Variants in KIAA2012 observed in about 807,000 individuals in gnomAD.
KIAA2012 encodes KIAA2012, also known as uncharacterized protein KIAA2012.
KIAA2012 carries 125 observed loss-of-function variants against 150.6 expected under a neutral mutation model. The observed-to-expected ratio is 0.83, with a 90% CI of 0.72 to 0.96. The LOEUF (loss-of-function observed/expected upper bound fraction) is 0.96. Ranked by LOEUF, KIAA2012 falls within the 40% of genes least tolerant of loss-of-function variation. KIAA2012 has a pLI of 0.00. For synonymous variants in KIAA2012, 462 were observed against 504.7 expected (o/e 0.92, Z 1.13); for missense variants, 1,219 against 1,354.9 (o/e 0.90, Z 1.57).
rs768780221 is a variant in KIAA2012 at position 202,090,821 on chromosome 2, G to A, written c.421G>A (p.Glu141Lys). The A allele has an allele frequency of 6.4e-7, 1 of 1,550,486 alleles. No individual in the cohort carries two copies. Among genetic ancestry groups the A allele is most frequent in the Non-Finnish European group, 8.7e-7 (1 of 1,146,980 alleles). ...ATACCTCCACTTCCGAAGCCAGCTG[G>A]AGAGCCAGGCCCAACGGCAGATCCA... is the stretch of plus-strand genomic sequence containing the variant. ...QPYLHFRSQL[E>K]SQAQRQIQPG... The change falls in exon 3 of 24, where the codon GAG (glutamate) becomes AAG (lysine). Residue 141 changes from glutamate to lysine, a missense_variant. Coordinates refer to ENST00000498697, the MANE Select transcript of KIAA2012 (RefSeq NM_001277372.4).
chr2:202,132,946 A>G (rs1690985580), intron 12 of KIAA2012, among the ~76,000 whole-genome samples: 1 of 142,344 alleles, frequency 7.0e-6, no homozygotes, highest in Non-Finnish European at 1.5e-5. Context: ...AATACAAAAA[A>G]AAAAAAAAAT....
At chr2:202,088,175 C>T (rs1689623385) in intron 2 of KIAA2012, among the ~76,000 whole-genome samples, 1 of 151,944 alleles carries the variant, frequency 6.6e-6, no homozygotes, top group Non-Finnish European at 1.5e-5. Flanking sequence ...TTTTAATATC[C>T]ACAGAGGTCC....
In KIAA2012 at chr2:202,102,380, G is replaced by GT. The variant is rs1238284770; in HGVS notation, c.1156-563dup. 3.3e-5 allele frequency among the ~76,000 whole-genome samples: 5 copies of GT among 152,148 alleles called. No individual in the cohort carries two copies. In the East Asian group the frequency reaches 9.6e-4, roughly 29 times the overall value. On this transcript the variant is annotated intron_variant, in intron 7 of 23. Transcript: ENST00000498697. ...TCAAAGAAATATGGAAATAATCCTA[G>GT]TTTCAAACACTATTATAATTGCATA... is the stretch of plus-strand genomic sequence containing the variant.
rs201747950 is a variant in KIAA2012 at position 202,129,221 on chromosome 2, AT to A, written c.1831+3955del. Among the ~76,000 whole-genome samples the A allele has an allele frequency of 4.1e-3, 591 of 144,448 alleles. 1 individual carries two copies. The highest frequency in any genetic ancestry group is 7.2e-3 in the Middle Eastern group (2 of 276). 94.8% of individuals were successfully genotyped at this position (144,448 alleles called of 152,430 possible). A position where few individuals can be genotyped will look rare whatever the true frequency, so the allele number is the denominator to read the frequency against. Reference sequence around the variant, plus strand: ...TTGGAACACCTATAGAAGTTTCACAATTTTTTTTTTTTTTTTGAGACAGAGT... The same window carrying A: ...TTGGAACACCTATAGAAGTTTCACAATTTTTTTTTTTTTTTGAGACAGAGT... On this transcript the variant is annotated intron_variant, in intron 12 of 23. Coordinates refer to ENST00000498697, the MANE Select transcript of KIAA2012 (RefSeq NM_001277372.4).
chr2:202,135,875 A>C (rs549111690), intron 12 of KIAA2012: 1 of 190,620 alleles, frequency 5.2e-6, no homozygotes, highest in Non-Finnish European at 1.1e-5. Flanking sequence ...AGTGCAAGAC[A>C]CTAAGTCAGG....
intron 15 of KIAA2012, among the ~76,000 whole-genome samples, chr2:202,177,886 T>A (rs978974602): frequency 1.5e-4 from 23 of 152,218 alleles, no homozygotes; most frequent in African/African-American, 5.5e-4. Context: ...GTGTCTTAAA[T>A]GTTTGATTTC....
intron 12 of KIAA2012, chr2:202,136,792 GCGGGCTGAAGGGCTCCTCC>G (rs1691074743): frequency 6.6e-6 from 1 of 152,340 alleles, no homozygotes; most frequent in East Asian, 1.9e-4. Flanking sequence ...CAGCGCAGCG[GCGGGCTGAAGGGCTCCTCC>G]AGCACGCCAG....
At chr2:202,090,260 GA>G (rs35496514) in intron 2 of KIAA2012, among the ~76,000 whole-genome samples, 57,100 of 152,076 alleles carry the variant, frequency 0.38, 11,242 homozygotes, top group African/African-American at 0.42. Context: ...GACTTTGGCA[GA>G]TAGGTTCCCA....
intron 13 of KIAA2012, among the ~76,000 whole-genome samples, chr2:202,144,460 G>C (rs1221049469): frequency 6.6e-6 from 1 of 152,100 alleles, no homozygotes; most frequent in Non-Finnish European, 1.5e-5. Flanking sequence ...TGGTTTCACA[G>C]ATGGTGTTCA....
chr2:202,129,401 G>T (rs1690872712), intron 12 of KIAA2012, among the ~76,000 whole-genome samples: 1 of 151,936 alleles, frequency 6.6e-6, no homozygotes, highest in Non-Finnish European at 1.5e-5. Flanking sequence ...TGTAATTTTA[G>T]TAGAGATAGG....
intron 2 of KIAA2012, among the ~76,000 whole-genome samples, chr2:202,078,083 T>C (rs1689363398): frequency 6.6e-6 from 1 of 152,246 alleles, no homozygotes; most frequent in Non-Finnish European, 1.5e-5. Context: ...GAGCTGGCCC[T>C]AGGACATAAT....
intron 2 of KIAA2012, among the ~76,000 whole-genome samples, chr2:202,086,217 T>TAATG (rs909528391): frequency 7.0e-5 from 10 of 142,162 alleles, no homozygotes; most frequent in Non-Finnish European, 1.1e-4. Flanking sequence ...AAATGCCCAC[T>TAATG]AATGAGAACC....
At chr2:202,203,554 C>A (rs181367938) in intron 23 of KIAA2012, among the ~76,000 whole-genome samples, 20 of 152,136 alleles carry the variant, frequency 1.3e-4, no homozygotes, top group African/African-American at 4.8e-4. Flanking sequence ...GCCACAACAC[C>A]CCCATTTCAA....
intron 19 of KIAA2012, among the ~76,000 whole-genome samples, chr2:202,192,436 C>A (rs1197821061): frequency 6.6e-6 from 1 of 151,380 alleles, no homozygotes; most frequent in Non-Finnish European, 1.5e-5. Flanking sequence ...CCTAAGATTG[C>A]CCCTGGTAAA....
intron 14 of KIAA2012, among the ~76,000 whole-genome samples, chr2:202,157,247 C>G (rs1048188031): frequency 6.6e-6 from 1 of 152,182 alleles, no homozygotes; most frequent in Non-Finnish European, 1.5e-5. Context: ...CTCCCAGATT[C>G]CTGGGGATTG....
At chr2:202,169,759 T>C (rs1239867495) in intron 15 of KIAA2012, among the ~76,000 whole-genome samples, 6 of 152,198 alleles carry the variant, frequency 3.9e-5, no homozygotes, top group African/African-American at 1.4e-4. Context: ...TGCCCACTGA[T>C]GTCTGGGAAA....
rs1692464761 is a variant in KIAA2012 at position 202,199,045 on chromosome 2, G to A, written c.3407+2026G>A. On this transcript the variant is annotated intron_variant, in intron 22 of 23. Transcript: ENST00000498697. ...TGAGACCACAGGCAAACTATTGGGA[G>A]TTCCAACTTTCCACACGAGAAGAAA... Among the ~76,000 whole-genome samples, 3 of 152,186 alleles carry A rather than the reference G, an allele frequency of 2.0e-5. No homozygotes were observed. The South Asian group carries it at 6.2e-4, about 32-fold the overall frequency.
intron 12 of KIAA2012, among the ~76,000 whole-genome samples, chr2:202,127,976 A>G (rs567421173): frequency 6.6e-6 from 1 of 152,042 alleles, no homozygotes; most frequent in South Asian, 2.1e-4. Flanking sequence ...TCCCTCCCCT[A>G]GCCCCTGGCA....
intron 21 of KIAA2012, among the ~76,000 whole-genome samples, chr2:202,195,266 C>T (rs1692394256): frequency 6.6e-6 from 1 of 151,552 alleles, no homozygotes; most frequent in African/African-American, 2.4e-5. Flanking sequence ...ACCTATAATC[C>T]CAGCACTTTG....
Sources: gnomAD v4.1 joint callset for allele counts (sites outside exome capture counted in the v4.1 genomes callset) on GRCh38, gnomAD v4.1.1 for gene constraint, MANE v1.5 for transcripts, NCBI Gene and HGNC (gene_info 2026-07-23, HGNC 2026-07-21) for gene names.